Variants in FTO observed in about 807,000 individuals in gnomAD.
The protein encoded by FTO is alpha-ketoglutarate-dependent dioxygenase FTO.
In FTO, 47 loss-of-function variants were observed where a neutral mutation model predicts 63.9. The ratio of observed to expected loss-of-function variants is 0.74; its 90% CI spans 0.58 to 0.94. FTO has a LOEUF of 0.94. Among genes scored for constraint, FTO ranks in the 40% least tolerant of loss-of-function variants. The pLI is 0.00. For missense variants in FTO, 562 were observed against 618.1 expected (o/e 0.91, Z 0.96); for synonymous variants, 207 against 224.4 (o/e 0.92, Z 0.69).
intron 1 of FTO, among the ~76,000 whole-genome samples, chr16:53,740,431 A>G (rs1471153668): frequency 2.0e-5 from 3 of 152,248 alleles, no homozygotes; most frequent in Non-Finnish European, 4.4e-5. Flanking sequence ...AAGTGAAGAA[A>G]ATATTTTCTG....
At chr16:53,828,271 G>A (rs759562458) in intron 3 of FTO, among the ~76,000 whole-genome samples, 18 of 152,054 alleles carry the variant, frequency 1.2e-4, no homozygotes, top group Non-Finnish European at 2.4e-4. Context: ...CCAGGCTGGA[G>A]TGCAGTGGTG....
At chr16:53,792,398 C>CT (rs1296614019) in intron 1 of FTO, among the ~76,000 whole-genome samples, 2 of 152,090 alleles carry the variant, frequency 1.3e-5, no homozygotes. Context: ...ACAGCCTGTG[C>CT]TTTGGAAACA....
In FTO at chr16:53,875,282, C is replaced by T. The variant is rs112743183; in HGVS notation, c.975+1417C>T. ...ATGGCTACTTAAGTGCGCCCTTCTACGTCTTTCCTAATCTAATCCAGAAGA... is the reference window on the plus strand; with the variant it reads ...ATGGCTACTTAAGTGCGCCCTTCTATGTCTTTCCTAATCTAATCCAGAAGA... On this transcript the variant is annotated intron_variant, in intron 5 of 8. Coordinates refer to ENST00000471389, the MANE Select transcript of FTO (RefSeq NM_001080432.3). Among the ~76,000 whole-genome samples, 21 of 152,224 alleles carry T rather than the reference C, an allele frequency of 1.4e-4. 2 individuals carry two copies. Among genetic ancestry groups the T allele is most frequent in the African/African-American group, 4.1e-4 (17 of 41,512 alleles).
At chr16:53,815,904 C>T (rs1320758530) in intron 2 of FTO, among the ~76,000 whole-genome samples, 1 of 152,182 alleles carries the variant, frequency 6.6e-6, no homozygotes, top group Non-Finnish European at 1.5e-5. Context: ...CTGCCTCGGC[C>T]TCCCAAAGTG....
At chr16:53,776,287 G>T (rs1387417174) in intron 1 of FTO, among the ~76,000 whole-genome samples, 2 of 152,144 alleles carry the variant, frequency 1.3e-5, no homozygotes, top group Non-Finnish European at 2.9e-5. Context: ...TTTGTCTGTG[G>T]TTTCTTGCCA....
chr16:53,940,017 G>T (rs1349832778), intron 8 of FTO, among the ~76,000 whole-genome samples: 9 of 152,068 alleles, frequency 5.9e-5, no homozygotes, highest in African/African-American at 2.2e-4. Context: ...CCTAGGAATG[G>T]AATTGCTGGG....
chr16:53,759,183 G>A (rs2076990303), intron 1 of FTO, among the ~76,000 whole-genome samples: 1 of 152,112 alleles, frequency 6.6e-6, no homozygotes, highest in Non-Finnish European at 1.5e-5. Flanking sequence ...GCAAGAAAGA[G>A]CTTGCAAATT....
chr16:53,806,447 C>A (rs2078370175), intron 1 of FTO, among the ~76,000 whole-genome samples: 1 of 152,152 alleles, frequency 6.6e-6, no homozygotes. Context: ...TGTCATTTAT[C>A]CTTTGTGTTT....
intron 8 of FTO, among the ~76,000 whole-genome samples, chr16:54,086,116 T>C (rs2086250079): frequency 6.6e-6 from 1 of 152,146 alleles, no homozygotes; most frequent in Non-Finnish European, 1.5e-5. Context: ...CATAAATACC[T>C]GAGAAATCAG....
chr16:54,095,345 GC>G (rs1218532633), intron 8 of FTO, among the ~76,000 whole-genome samples: 1 of 151,926 alleles, frequency 6.6e-6, no homozygotes, highest in Non-Finnish European at 1.5e-5. Context: ...CAGCCCTAAT[GC>G]CTAACTCATT....
intron 8 of FTO, among the ~76,000 whole-genome samples, chr16:54,102,980 C>CT (rs1244633511): frequency 2.6e-5 from 4 of 151,944 alleles, no homozygotes; most frequent in Non-Finnish European, 5.9e-5. Flanking sequence ...AAGGGAGATG[C>CT]TATCTCTACA....
At chr16:53,979,535 CTGTG>C (rs57334871) in intron 8 of FTO, 86,645 of 367,098 alleles carry the variant, frequency 0.24, 5,017 homozygotes, top group East Asian at 0.39. Flanking sequence ...ATGTTTATGG[CTGTG>C]TGTGTGTGTG....
At chr16:53,996,954 CA>C (rs1428762766) in intron 8 of FTO, among the ~76,000 whole-genome samples, 3 of 151,608 alleles carry the variant, frequency 2.0e-5, no homozygotes, top group Non-Finnish European at 4.4e-5. Context: ...ACTAAAAATA[CA>C]AAAAAAATTT....
At chr16:53,937,082 G>A (rs2082406914) in intron 8 of FTO, among the ~76,000 whole-genome samples, 1 of 152,182 alleles carries the variant, frequency 6.6e-6, no homozygotes, top group Non-Finnish European at 1.5e-5. Context: ...TTTGAGGAAA[G>A]TGTCAATTTT....
At chr16:54,021,898 C>T (rs1282538983) in intron 8 of FTO, among the ~76,000 whole-genome samples, 2 of 152,122 alleles carry the variant, frequency 1.3e-5, no homozygotes, top group Non-Finnish European at 2.9e-5. Flanking sequence ...GTAGTTTCTT[C>T]AAAACAACAT....
chr16:53,924,433 G>A (rs1469799999), intron 7 of FTO, among the ~76,000 whole-genome samples: 5 of 152,262 alleles, frequency 3.3e-5, no homozygotes, highest in South Asian at 2.1e-4. Context: ...TGAACTCTGC[G>A]GAGATGTTCA....
rs947693889 is a variant in FTO at position 53,735,142 on chromosome 16, T to C, written c.45+30913T>C. Reference sequence around the variant, plus strand: ...AATTAATGTGTGACTGGAAATGAGATTTTTATCTTTTGTTCCACACTGGCC... The same window carrying C: ...AATTAATGTGTGACTGGAAATGAGACTTTTATCTTTTGTTCCACACTGGCC... On this transcript the variant is annotated intron_variant, in intron 1 of 8. Transcript: ENST00000471389. Among the ~76,000 whole-genome samples the C allele has an allele frequency of 9.2e-5, 14 of 152,208 alleles. No individual in the cohort carries two copies. The East Asian group carries it at 1.2e-3, about 13-fold the overall frequency.
intron 8 of FTO, among the ~76,000 whole-genome samples, chr16:54,000,340 A>G (rs1185766293): frequency 6.6e-6 from 1 of 152,236 alleles, no homozygotes; most frequent in Admixed American, 6.5e-5. Flanking sequence ...GAGTTGAAAT[A>G]GAGAATGGAG....
chr16:53,747,034 T>C (rs951726530), intron 1 of FTO, among the ~76,000 whole-genome samples: 2 of 152,208 alleles, frequency 1.3e-5, no homozygotes, highest in African/African-American at 4.8e-5. Context: ...TGACAAAATT[T>C]CTTTCTTTTT....
Sources: allele counts gnomAD v4.1 joint callset (sites outside exome capture counted in the v4.1 genomes callset), GRCh38; gene constraint gnomAD v4.1.1; transcripts MANE v1.5; gene names NCBI Gene and HGNC (gene_info 2026-07-23, HGNC 2026-07-21).